ANO2: variants seen among roughly 807,000 people sequenced by gnomAD.
ANO2 encodes anoctamin-2.
A neutral mutation model predicts 124.2 loss-of-function variants in ANO2; 101 were observed. The observed-to-expected ratio is 0.81, with a 90% CI of 0.69 to 0.96. ANO2 has a LOEUF of 0.96. Ranked by LOEUF, ANO2 falls within the 40% of genes least tolerant of loss-of-function variation. ANO2 has a pLI of 0.00. For missense variants in ANO2, 1,293 were observed against 1,274.5 expected, an observed-to-expected ratio of 1.01 and a Z score of -0.22; for synonymous variants, 486 against 482.5, an observed-to-expected ratio of 1.01 and a Z score of -0.09.
At chr12:5,897,424 A>C (rs1365587957) in intron 3 of ANO2, among the ~76,000 whole-genome samples, 1 of 152,238 alleles carries the variant, frequency 6.6e-6, no homozygotes, top group Non-Finnish European at 1.5e-5. Flanking sequence ...TGGGAAGCAG[A>C]GGCAGATTGG....
intron 14 of ANO2, among the ~76,000 whole-genome samples, chr12:5,723,637 G>A (rs529972955): frequency 6.6e-5 from 10 of 151,764 alleles, no homozygotes; most frequent in Non-Finnish European, 1.2e-4. Context: ...GCGGGGGCGC[G>A]GGTAGAGAAA....
At chr12:5,740,188 A>G (rs2137077334) in intron 12 of ANO2, 7 of 331,714 alleles carry the variant, frequency 2.1e-5, no homozygotes, top group South Asian at 1.7e-4. Flanking sequence ...GGGCCTGCTG[A>G]TAGAGCACTC....
intron 3 of ANO2, among the ~76,000 whole-genome samples, chr12:5,877,382 T>G (rs749316558): frequency 1.3e-5 from 2 of 152,146 alleles, no homozygotes; most frequent in Non-Finnish European, 2.9e-5. Flanking sequence ...ATTTTGGACT[T>G]CTGGATTTTG....
At chr12:5,861,504 G>A (rs2137265874) in intron 3 of ANO2, among the ~76,000 whole-genome samples, 1 of 152,298 alleles carries the variant, frequency 6.6e-6, no homozygotes, top group East Asian at 1.9e-4. Flanking sequence ...TCTCTAGAGA[G>A]ACAATAGTGA....
chr12:5,686,506 C>A (rs1276353679), intron 14 of ANO2, among the ~76,000 whole-genome samples: 1 of 152,212 alleles, frequency 6.6e-6, no homozygotes, highest in Non-Finnish European at 1.5e-5. Flanking sequence ...AGGAGTGCCA[C>A]AAACCATAGT....
intron 14 of ANO2, among the ~76,000 whole-genome samples, chr12:5,723,300 G>T (rs79888486): frequency 2.0e-5 from 3 of 152,186 alleles, no homozygotes; most frequent in African/African-American, 4.8e-5. Flanking sequence ...TGGAGCTGCT[G>T]CTTGGAGGCT....
At chr12:5,931,437 G>C (rs72653453) in intron 1 of ANO2, among the ~76,000 whole-genome samples, 61,093 of 151,402 alleles carry the variant, frequency 0.4, 13,691 homozygotes, top group East Asian at 0.78. Flanking sequence ...TAAACAGAAT[G>C]TGGCTCCTTC....
At chr12:5,564,809 T>C (rs903256701) in intron 24 of ANO2, among the ~76,000 whole-genome samples, 9 of 152,288 alleles carry the variant, frequency 5.9e-5, no homozygotes, top group East Asian at 1.9e-4. Context: ...GACTAGCCGA[T>C]GGGCTTCTCC....
At chr12:5,832,073 T>C (rs766279572) in intron 5 of ANO2, among the ~76,000 whole-genome samples, 2 of 152,216 alleles carry the variant, frequency 1.3e-5, no homozygotes, top group Non-Finnish European at 2.9e-5. Flanking sequence ...TGGTTTATCA[T>C]ATCCTGTTGA....
rs1340506019 is a variant in ANO2, at chr12:5,945,178, T to A, written c.22+18A>T. 1.6e-6 allele frequency: 2 copies of A among 1,288,330 alleles called. No homozygotes were observed. Among genetic ancestry groups the A allele is most frequent in the Non-Finnish European group, 2.0e-6 (2 of 988,142 alleles). The allele number at this position is 1,288,330 out of a possible 1,614,324, so 79.8% of individuals were successfully genotyped here. A position where few individuals can be genotyped will look rare whatever the true frequency, so the allele number is the denominator to read the frequency against. ...CCACCTGTAGGAGACCAGGACCAGG[T>A]CCAGCCGGAAAACTCACCGCGCGGC... is the stretch of plus-strand genomic sequence containing the variant. On this transcript the variant is annotated intron_variant, in intron 1 of 24. Transcript: ENST00000682330.
chr12:5,672,620 C>G, intron 14 of ANO2, among the ~76,000 whole-genome samples: 1 of 135,760 alleles, frequency 7.4e-6, no homozygotes, highest in East Asian at 2.3e-4. Context: ...TGTGTGTGCA[C>G]ATGTGTGTAT....
intron 1 of ANO2, among the ~76,000 whole-genome samples, chr12:5,923,828 T>C (rs1392426786): frequency 6.6e-6 from 1 of 152,290 alleles, no homozygotes; most frequent in East Asian, 1.9e-4. Context: ...ATCTATTCTC[T>C]CCTCTGAGAA....
intron 14 of ANO2, among the ~76,000 whole-genome samples, chr12:5,705,672 C>T (rs1949580865): frequency 6.6e-6 from 1 of 152,250 alleles, no homozygotes; most frequent in East Asian, 1.9e-4. Flanking sequence ...CTTTTGGCCA[C>T]ACTATGGCTT....
rs1052926488 is a variant in ANO2 at position 5,904,035 on chromosome 12, G to T, written c.534+17005C>A. Among the ~76,000 whole-genome samples, 8 of 152,118 alleles carry T rather than the reference G, an allele frequency of 5.3e-5. No homozygotes were observed. The highest frequency in any genetic ancestry group is 1.9e-4 in the African/African-American group (8 of 41,416). On this transcript the variant is annotated intron_variant, in intron 3 of 24. Coordinates refer to ENST00000682330, the MANE Select transcript of ANO2 (RefSeq NM_001364791.2). The surrounding 1 kb of genome is among the most constrained non-coding windows in gnomAD (Gnocchi z 4.1). ...GACCCTGGGCAATTTCCTGCCTTCT[G>T]CTTTCTTCATTAAACACTGACCTCC...
chr12:5,933,000 G>A (rs1010675357), intron 1 of ANO2, among the ~76,000 whole-genome samples: 14 of 152,200 alleles, frequency 9.2e-5, no homozygotes, highest in Non-Finnish European at 2.1e-4. Context: ...GGGCCTGGCT[G>A]GTTGAGATTA....
chr12:5,942,755 A>C (rs1317159154), intron 1 of ANO2, among the ~76,000 whole-genome samples: 2 of 152,224 alleles, frequency 1.3e-5, no homozygotes, highest in African/African-American at 2.4e-5. Flanking sequence ...GTTCAAATTC[A>C]TCTCCTAAGA....
intron 14 of ANO2, among the ~76,000 whole-genome samples, chr12:5,651,093 C>T (rs752563053): frequency 2.0e-5 from 3 of 152,238 alleles, no homozygotes; most frequent in Non-Finnish European, 2.9e-5. Flanking sequence ...GTCTAACCAG[C>T]TTCATGATTA....
chr12:5,827,964 T>C (rs1460554473), intron 6 of ANO2, 144 bp from the exon 7 acceptor site: 3 of 811,776 alleles, frequency 3.7e-6, no homozygotes, highest in Non-Finnish European at 5.7e-6. Context: ...GCCTGGCTCA[T>C]GGCCCGCACA....
intron 10 of ANO2, among the ~76,000 whole-genome samples, chr12:5,785,215 G>T (rs1036399132): frequency 2.0e-5 from 3 of 152,164 alleles, no homozygotes; most frequent in African/African-American, 7.2e-5. Flanking sequence ...TAAAGACAGG[G>T]GATGAGAGGG....
Sources: gnomAD v4.1 joint callset for allele counts (sites outside exome capture counted in the v4.1 genomes callset) on GRCh38, gnomAD v4.1.1 for gene constraint, Gnocchi (gnomAD v3.1) non-coding constraint, MANE v1.5 for transcripts, NCBI Gene and HGNC (gene_info 2026-07-23, HGNC 2026-07-21) for gene names.